The following SNIP1 variants were observed in gnomAD, a reference collection of about 807,000 sequenced individuals.
SNIP1 encodes smad nuclear-interacting protein 1.
SNIP1 carries 23 observed loss-of-function variants against 37.4 expected under a neutral mutation model. The ratio of observed to expected loss-of-function variants is 0.61; its 90% confidence interval spans 0.44 to 0.87. The LOEUF (loss-of-function observed/expected upper bound fraction) is 0.87, where lower values mean the gene tolerates loss of function less well. Among genes scored for constraint, SNIP1 ranks in the 40% least tolerant of loss-of-function variants. The probability of loss-of-function intolerance (pLI) is 0.00; values close to 1 mark genes in which losing one functional copy is unlikely to be tolerated. For missense variants in SNIP1, 459 were observed against 540.4 expected (o/e 0.85, Z 1.49); for synonymous variants, 174 against 200.0 (o/e 0.87, Z 1.10).
intron 2 of SNIP1, among the ~76,000 whole-genome samples, chr1:37,544,014 C>T (rs773022246): frequency 2.0e-5 from 3 of 151,694 alleles, no homozygotes; most frequent in Non-Finnish European, 4.4e-5. Flanking sequence ...GGTGTGGTAG[C>T]GCATGCCTGT....
chr1:37,546,563 A>C, intron 2 of SNIP1, among the ~76,000 whole-genome samples: 1 of 152,132 alleles, frequency 6.6e-6, no homozygotes, highest in East Asian at 1.9e-4. Context: ...AGTCCCAGCT[A>C]CTTGGGAGGC....
rs1643154500 is a variant in SNIP1, at chr1:37,540,082, GAAC to G, written c.926+72_926+74del. On this transcript the variant is annotated intron_variant, in intron 3 of 3. Coordinates refer to ENST00000296215, the MANE Select transcript of SNIP1 (RefSeq NM_024700.4). The surrounding 1 kb of genome is among the most constrained non-coding windows in gnomAD (Gnocchi z 5.6). The stretch of plus-strand genomic sequence containing the variant: ...GTATGGGATTCTTCTGCATAAACAT[GAAC>G]AAAAATCTTAGTAATCCTAACTGAG... The G allele has an allele frequency of 7.4e-7, 1 of 1,343,102 alleles. No homozygotes were observed. Among genetic ancestry groups the G allele is most frequent in the Admixed American group, 2.3e-5 (1 of 44,362 alleles). The allele number at this position is 1,343,102 out of a possible 1,614,324, so 83.2% of individuals were successfully genotyped here.
Position 37,540,041 on chromosome 1 carries a change from AGAT to A in SNIP1, c.926+113_926+115del. On this transcript the variant is annotated intron_variant, in intron 3 of 3. Transcript: ENST00000296215. The surrounding 1 kb of genome is among the most constrained non-coding windows in gnomAD (Gnocchi z 5.6). Reference sequence around the variant, plus strand: ...GGCAGTTAGATTAACAATACTCTTTAGATAACATATGAGGGGTATGGGATTCTT... The same window carrying A: ...GGCAGTTAGATTAACAATACTCTTTAAACATATGAGGGGTATGGGATTCTT... 1 of 801,220 alleles carries A rather than the reference AGAT, an allele frequency of 1.2e-6. No homozygotes were observed. Among genetic ancestry groups the A allele is most frequent in the Non-Finnish European group, 2.0e-6 (1 of 496,364 alleles). 49.6% of individuals were successfully genotyped at this position (801,220 alleles called of 1,614,324 possible).
rs1008350604 is a variant in SNIP1, at chr1:37,536,949, T to G, written c.*799A>C. 2.6e-5 allele frequency: 4 copies of G among 152,172 alleles called. No individual in the cohort carries two copies. The highest frequency in any genetic ancestry group is 9.7e-5 in the African/African-American group (4 of 41,434). The allele number at this position is 152,172 out of a possible 1,614,324, so 9.4% of individuals were successfully genotyped here. On this transcript the variant is annotated 3_prime_UTR_variant, in exon 4 of 4. Coordinates refer to ENST00000296215, the MANE Select transcript of SNIP1 (RefSeq NM_024700.4). Reference sequence around the variant, plus strand: ...AAGAAAAAAAGAGATAACATTTGAATAAAAATGCAAAACTGAAGTACAGTT... The same window carrying G: ...AAGAAAAAAAGAGATAACATTTGAAGAAAAATGCAAAACTGAAGTACAGTT...
rs1264397339 is a variant in SNIP1 at position 37,544,728 on chromosome 1, GCAGCCACCGCCGCA to G, written c.328-3987_328-3974del. On this transcript the variant is annotated intron_variant, in intron 2 of 3. Coordinates refer to ENST00000296215, the MANE Select transcript of SNIP1 (RefSeq NM_024700.4). Reference sequence around the variant, plus strand: ...GCCCCCGCCGCCACTCCAGCGCCGTGCAGCCACCGCCGCACAGCCACCGTGGCCACCACCATGAC... The same window carrying G: ...GCCCCCGCCGCCACTCCAGCGCCGTGCAGCCACCGTGGCCACCACCATGAC... The G allele has an allele frequency of 2.7e-4, 171 of 640,610 alleles. 2 individuals are homozygous for G. The highest frequency in any genetic ancestry group is 1.5e-3 in the South Asian group (102 of 67,072). 39.7% of individuals were successfully genotyped at this position (640,610 alleles called of 1,614,324 possible). A position where few individuals can be genotyped will look rare whatever the true frequency, so the allele number is the denominator to read the frequency against.
chr1:37,547,125 A>C (rs1215080496), intron 2 of SNIP1, among the ~76,000 whole-genome samples: 1 of 152,236 alleles, frequency 6.6e-6, no homozygotes. Context: ...TCAAATGTTT[A>C]TCTCTCCGTT....
chr1:37,539,023 T>C (rs955155349), intron 3 of SNIP1, among the ~76,000 whole-genome samples: 3 of 152,086 alleles, frequency 2.0e-5, no homozygotes, highest in Non-Finnish European at 2.9e-5. Flanking sequence ...GGTTGCGCGC[T>C]CCTTACGAGA....
At chr1:37,553,076 C>T (rs1229171124) in intron 1 of SNIP1, among the ~76,000 whole-genome samples, 1 of 152,198 alleles carries the variant, frequency 6.6e-6, no homozygotes, top group Non-Finnish European at 1.5e-5. Context: ...TTATCCTTCA[C>T]TACCAACACC....
Position 37,552,625 on chromosome 1 carries a change from A to G in SNIP1, c.327+20T>C, listed in dbSNP as rs750122651. The G allele has an allele frequency of 6.2e-6, 10 of 1,604,902 alleles. No individual in the cohort carries two copies. Among genetic ancestry groups the G allele is most frequent in the Non-Finnish European group, 7.7e-6 (9 of 1,171,658 alleles). On this transcript the variant is annotated intron_variant, in intron 2 of 3. Coordinates refer to ENST00000296215, the MANE Select transcript of SNIP1 (RefSeq NM_024700.4). ...AAAGGCTCTCAATTTGGACCCATCA[A>G]AACACCCCAATCCACTTACCTGCTT...
chr1:37,540,428 G>A lies in SNIP1; in HGVS notation c.655C>T (p.Pro219Ser), dbSNP rs1643159281. The A allele has an allele frequency of 6.2e-7, 1 of 1,614,050 alleles. No homozygotes were observed. Among genetic ancestry groups the A allele is most frequent in the Admixed American group, 1.7e-5 (1 of 59,994 alleles). The stretch of plus-strand genomic sequence containing the variant: ...TCAAAGCTTGGTTTTTCTTTAGCGG[G>A]CACCTCTTTTTCTTTGTTGTTGCCA... ...PGGNNKEKEVPAKEKPSFELS... is the reference protein window; with the variant it reads ...PGGNNKEKEVSAKEKPSFELS... The change falls in exon 3 of 4, where the codon CCC becomes TCC. Residue 219 changes from proline to serine, a missense_variant. Coordinates refer to ENST00000296215, the MANE Select transcript of SNIP1 (RefSeq NM_024700.4). The surrounding 1 kb of genome is among the most constrained non-coding windows in gnomAD (Gnocchi z 5.6).
chr1:37,552,962 T>C (rs932192011), intron 1 of SNIP1, among the ~76,000 whole-genome samples: 1 of 152,208 alleles, frequency 6.6e-6, no homozygotes, highest in Non-Finnish European at 1.5e-5. Flanking sequence ...CCTTCTCACT[T>C]AGGTAACATA....
At chr1:37,553,979 T>C in intron 1 of SNIP1, 27 bp downstream of exon 1, 1 of 1,549,124 alleles carries the variant, frequency 6.5e-7, no homozygotes, top group Non-Finnish European at 8.7e-7. Context: ...CAACCCAATG[T>C]CCATCCTGGA....
chr1:37,537,450 GC>G lies in SNIP1; in HGVS notation c.*297del, dbSNP rs1289765260. On this transcript the variant is annotated 3_prime_UTR_variant, in exon 4 of 4. Coordinates refer to ENST00000296215, the MANE Select transcript of SNIP1 (RefSeq NM_024700.4). ...AGTTTCCTAGGCAGCAGTTCTGAAA[GC>G]ACCAACTAAAACCACAACACTTCTA... 3.0e-6 allele frequency: 1 copy of G among 338,952 alleles called. No individual in the cohort carries two copies. Among genetic ancestry groups the G allele is most frequent in the Non-Finnish European group, 5.4e-6 (1 of 185,276 alleles). The allele number at this position is 338,952 out of a possible 1,614,324, so 21.0% of individuals were successfully genotyped here.
intron 3 of SNIP1, 79 bp from the exon 4 acceptor site, chr1:37,538,091 T>C: frequency 1.4e-6 from 2 of 1,470,820 alleles, no homozygotes; most frequent in South Asian, 2.8e-5. Flanking sequence ...TTTGCTAAGA[T>C]AGCCTAGATG....
rs774008801 is a variant in SNIP1 at position 37,540,289 on chromosome 1, T to C, written c.794A>G (p.Lys265Arg). The C allele has an allele frequency of 2.5e-6, 4 of 1,614,202 alleles. No individual in the cohort carries two copies. Among genetic ancestry groups the C allele is most frequent in the Non-Finnish European group, 3.4e-6 (4 of 1,180,040 alleles). Reference protein sequence around the residue: ...PKKRWRLYPFKNDEVLPVMYI... With the variant: ...PKKRWRLYPFRNDEVLPVMYI... ...CATGACTGGAAGCACCTCATCATTTTTAAATGGGTAGAGACGCCACCGTTT... is the reference window on the plus strand; with the variant it reads ...CATGACTGGAAGCACCTCATCATTTCTAAATGGGTAGAGACGCCACCGTTT... Residue 265 changes from lysine (K) to arginine (R), a missense_variant, in exon 3 of 4, where the codon AAA becomes AGA. Lys to Arg is a conservative substitution (Grantham distance 26). Coordinates refer to ENST00000296215, the MANE Select transcript of SNIP1 (RefSeq NM_024700.4). The surrounding 1 kb of genome is among the most constrained non-coding windows in gnomAD (Gnocchi z 5.6).
At chr1:37,552,965 G>A (rs774444657) in intron 1 of SNIP1, among the ~76,000 whole-genome samples, 1 of 152,038 alleles carries the variant, frequency 6.6e-6, no homozygotes, top group Non-Finnish European at 1.5e-5. Flanking sequence ...TCTCACTTAG[G>A]TAACATAACT....
At chr1:37,550,988 A>G (rs149082223) in intron 2 of SNIP1, among the ~76,000 whole-genome samples, 8,564 of 148,344 alleles carry the variant, frequency 0.058, 313 homozygotes, top group Non-Finnish European at 0.078. Flanking sequence ...CCAGCTACTC[A>G]GGAGGCTGAG....
intron 2 of SNIP1, among the ~76,000 whole-genome samples, chr1:37,544,191 A>G (rs1048628474): frequency 5.3e-5 from 8 of 151,836 alleles, no homozygotes; most frequent in Non-Finnish European, 4.4e-5. Flanking sequence ...TCACGCCTGC[A>G]ATCCTAGCAC....
chr1:37,540,501 G>A lies in SNIP1; in HGVS notation c.582C>T (p.Asp194=), dbSNP rs151278184. ...ARRREHRQRN[D]VGGGGSESQE... ...GAGACTCACTGCCGCCACCACCAAC[G>A]TCATTCCTCTGGCGATGCTCCCGTC... Residue 194 remains aspartate, a synonymous_variant, in exon 3 of 4, where the codon GAC becomes GAT. Transcript: ENST00000296215. The surrounding 1 kb of genome is among the most constrained non-coding windows in gnomAD (Gnocchi z 5.6). 31 of 1,613,964 alleles carry A rather than the reference G, an allele frequency of 1.9e-5. No individual in the cohort carries two copies. The African/African-American group carries it at 2.9e-4, about 15-fold the overall frequency.
Sources: allele counts gnomAD v4.1 joint callset (sites outside exome capture counted in the v4.1 genomes callset), GRCh38; gene constraint gnomAD v4.1.1; non-coding constraint Gnocchi (gnomAD v3.1); transcripts MANE v1.5; gene names NCBI Gene and HGNC (gene_info 2026-07-23, HGNC 2026-07-21).